Variants in XAF1 observed in about 807,000 individuals in gnomAD.
The protein encoded by XAF1 is XIAP associated factor 1.
In XAF1, 32 loss-of-function variants were observed where a neutral mutation model predicts 32.3. That is an observed-to-expected ratio of 0.99 (90% confidence interval 0.75 to 1.33). The LOEUF is 1.33. XAF1 is among the 40% of genes most tolerant of loss of function. XAF1 has a pLI of 0.00. For missense variants in XAF1, 379 were observed against 366.0 expected, an observed-to-expected ratio of 1.04 and a Z score of -0.29; for synonymous variants, 120 against 125.9, an observed-to-expected ratio of 0.95 and a Z score of 0.31.
rs371983290 is a variant in XAF1, at chr17:6,768,093, CAT to C, written c.508-2549_508-2548del. Among the ~76,000 whole-genome samples the C allele has an allele frequency of 4.7e-3, 710 of 151,754 alleles. 8 individuals carry two copies. The highest frequency in any genetic ancestry group is 0.016 in the African/African-American group (662 of 41,408). On this transcript the variant is annotated intron_variant, in intron 5 of 6. Coordinates refer to ENST00000361842, the MANE Select transcript of XAF1 (RefSeq NM_017523.5). The stretch of plus-strand genomic sequence containing the variant: ...ACTCATGCCTGTTTAGATATACTCA[CAT>C]GTTTTTGTTTTTGCTTTTTTTCTTT...
chr17:6,757,998 T>G, intron 1 of XAF1, 91 bp from the exon 2 acceptor site: 1 of 1,565,298 alleles, frequency 6.4e-7, no homozygotes, highest in Non-Finnish European at 8.7e-7. Flanking sequence ...TTAAGGCCTC[T>G]GGAGATCTAG....
chr17:6,767,131 T>C (rs756196874), intron 5 of XAF1, among the ~76,000 whole-genome samples: 3 of 152,182 alleles, frequency 2.0e-5, no homozygotes, highest in Non-Finnish European at 2.9e-5. Flanking sequence ...CACTACACAC[T>C]GTATACATGT....
rs1360979991 is a variant in XAF1 at position 6,761,649 on chromosome 17, A to C, written c.422-506A>C. 4.2e-5 allele frequency: 15 copies of C among 359,806 alleles called. No homozygotes were observed. In the Admixed American group the frequency reaches 5.4e-4, roughly 13 times the overall value. 22.3% of individuals were successfully genotyped at this position (359,806 alleles called of 1,614,324 possible). A position where few individuals can be genotyped will look rare whatever the true frequency, so the allele number is the denominator to read the frequency against. ...TGGAAACCTGGAAATTGTGAGAGTC[A>C]TGTATATTTCCTTCATCCCAGCATG... On this transcript the variant is annotated intron_variant, in intron 4 of 6. Coordinates refer to ENST00000361842, the MANE Select transcript of XAF1 (RefSeq NM_017523.5).
At position 6,775,222 on chromosome 17, in the gene XAF1, C is replaced by T. The variant is rs1976343293; in HGVS notation, c.*2053C>T. On this transcript the variant is annotated 3_prime_UTR_variant, in exon 7 of 7. Transcript: ENST00000361842. ...TTCTCACTTATAAGTAGAAGCTAAA[C>T]ATTGAGTACACATGGATACAAAGAA... 1 of 152,052 alleles carries T rather than the reference C, an allele frequency of 6.6e-6. No individual in the cohort carries two copies. Among genetic ancestry groups the T allele is most frequent in the South Asian group, 2.1e-4 (1 of 4,824 alleles). 9.4% of individuals were successfully genotyped at this position (152,052 alleles called of 1,614,324 possible).
At chr17:6,766,831 T>C (rs1381309652) in intron 5 of XAF1, among the ~76,000 whole-genome samples, 4 of 152,200 alleles carry the variant, frequency 2.6e-5, no homozygotes, top group Admixed American at 2.6e-4. Flanking sequence ...GTCCATTTCA[T>C]TTTGGGAGCA....
rs57323394 is a variant in XAF1, at chr17:6,775,040, T to TAA, written c.*1884_*1885dup. On this transcript the variant is annotated 3_prime_UTR_variant, in exon 7 of 7. Transcript: ENST00000361842. The stretch of plus-strand genomic sequence containing the variant: ...TGGGCAACCAAGCGAGACTCTGCCT[T>TAA]AAAAAAAAAAAAAAGAAAATGTGGC... 2 of 137,244 alleles carry TAA rather than the reference T, an allele frequency of 1.5e-5. No individual in the cohort carries two copies. Among genetic ancestry groups the TAA allele is most frequent in the Non-Finnish European group, 1.6e-5 (1 of 62,568 alleles). The allele number at this position is 137,244 out of a possible 1,614,324, so 8.5% of individuals were successfully genotyped here.
rs1976185898 is a variant in XAF1, at chr17:6,773,155, A to G, written c.892A>G (p.Arg298Gly). 6.2e-7 allele frequency: 1 copy of G among 1,604,130 alleles called. No homozygotes were observed. The highest frequency in any genetic ancestry group is 1.3e-5 in the African/African-American group (1 of 74,168). ...AGCTTCATCAAAAGGAAAACAAGTGAGAAATTTCAGCTAGATTTGGAAAAG... is the reference window on the plus strand; with the variant it reads ...AGCTTCATCAAAAGGAAAACAAGTGGGAAATTTCAGCTAGATTTGGAAAAG... Reference protein sequence around the residue: ...WLASSKGKQVRNFS With the variant: ...WLASSKGKQVGNFS Residue 298 changes from arginine (R) to glycine (G), a missense_variant, in exon 7 of 7, where the codon AGA becomes GGA. Transcript: ENST00000361842.
Position 6,765,241 on chromosome 17 carries a change from G to T in XAF1, c.507+3001G>T, listed in dbSNP as rs114018578. Reference sequence around the variant, plus strand: ...AACCTGGCTAACACAGTGAACTCTCGTCTCTACTAAAAATACAAAAACTTA... The same window carrying T: ...AACCTGGCTAACACAGTGAACTCTCTTCTCTACTAAAAATACAAAAACTTA... On this transcript the variant is annotated intron_variant, in intron 5 of 6. Coordinates refer to ENST00000361842, the MANE Select transcript of XAF1 (RefSeq NM_017523.5). Among the ~76,000 whole-genome samples, 934 of 152,044 alleles carry T rather than the reference G, an allele frequency of 6.1e-3. 11 individuals carry two copies. Among genetic ancestry groups the T allele is most frequent in the African/African-American group, 0.021 (877 of 41,468 alleles).
chr17:6,768,136 T>C (rs1306425722), intron 5 of XAF1, among the ~76,000 whole-genome samples: 2 of 152,080 alleles, frequency 1.3e-5, no homozygotes, highest in Non-Finnish European at 2.9e-5. Flanking sequence ...TTTCTTTTTT[T>C]TTTTGAGACA....
chr17:6,762,610 C>A (rs979637399), intron 5 of XAF1, among the ~76,000 whole-genome samples: 4 of 152,188 alleles, frequency 2.6e-5, no homozygotes, highest in African/African-American at 7.2e-5. Flanking sequence ...GAGCTTCCTG[C>A]AAAACTGCAT....
At chr17:6,767,026 C>G (rs1025169326) in intron 5 of XAF1, among the ~76,000 whole-genome samples, 12 of 152,108 alleles carry the variant, frequency 7.9e-5, no homozygotes, top group African/African-American at 2.7e-4. Flanking sequence ...ATTTTTTAGG[C>G]CTTATATGTC....
intron 5 of XAF1, among the ~76,000 whole-genome samples, chr17:6,767,463 C>A (rs761567703): frequency 1.3e-5 from 2 of 152,166 alleles, no homozygotes; most frequent in Non-Finnish European, 2.9e-5. Flanking sequence ...AGTGGGTATG[C>A]AGTGGAATAA....
chr17:6,758,084 T>G lies in XAF1; in HGVS notation c.33-5T>G. Reference sequence around the variant, plus strand: ...TTTTTCTATCCCCACACCTTGACCCTGTAGTAAAAGACATGTAGTCTCTGC... The same window carrying G: ...TTTTTCTATCCCCACACCTTGACCCGGTAGTAAAAGACATGTAGTCTCTGC... On this transcript the variant is annotated splice_polypyrimidine_tract_variant and splice_region_variant and intron_variant, in intron 1 of 6. Transcript: ENST00000361842. 1 of 1,614,218 alleles carries G rather than the reference T, an allele frequency of 6.2e-7. No homozygotes were observed. The highest frequency in any genetic ancestry group is 8.5e-7 in the Non-Finnish European group (1 of 1,180,030).
chr17:6,767,214 T>C (rs1975686492), intron 5 of XAF1, among the ~76,000 whole-genome samples: 1 of 152,160 alleles, frequency 6.6e-6, no homozygotes, highest in Non-Finnish European at 1.5e-5. Context: ...AGAAATAAAA[T>C]TGATTACAAA....
chr17:6,771,800 C>T lies in XAF1; in HGVS notation c.849+816C>T, dbSNP rs1597758054. ...TTGTTGGAGCTAGTTGATATAATAT[C>T]ATATAAAGAAGTATAAAAGCAAAGC... On this transcript the variant is annotated intron_variant, in intron 6 of 6. Coordinates refer to ENST00000361842, the MANE Select transcript of XAF1 (RefSeq NM_017523.5). 2.0e-5 allele frequency: 3 copies of T among 152,140 alleles called. No individual in the cohort carries two copies. In the East Asian group the frequency reaches 5.8e-4, roughly 29 times the overall value. The allele number at this position is 152,140 out of a possible 1,614,324, so 9.4% of individuals were successfully genotyped here.
Position 6,759,530 on chromosome 17 carries a change from C to T in XAF1, c.169-132C>T, listed in dbSNP as rs558681690. 33 of 1,517,464 alleles carry T rather than the reference C, an allele frequency of 2.2e-5. No homozygotes were observed. The East Asian group carries it at 2.4e-4, about 11-fold the overall frequency. 94.0% of individuals were successfully genotyped at this position (1,517,464 alleles called of 1,614,324 possible). The stretch of plus-strand genomic sequence containing the variant: ...TAGAGAGACACTGAGGTAGCCACAT[C>T]GGATCCCTGCCCTCTGGGAGTTCAC... On this transcript the variant is annotated intron_variant, in intron 2 of 6. Transcript: ENST00000361842.
chr17:6,756,550 AG>A (rs1240064973), intron 1 of XAF1, among the ~76,000 whole-genome samples: 1 of 144,856 alleles, frequency 6.9e-6, no homozygotes, highest in Non-Finnish European at 1.5e-5. Context: ...GGGGGGACAG[AG>A]CAGGGGGCTG....
Position 6,760,479 on chromosome 17 carries a change from T to G in XAF1, c.299T>G (p.Leu100Arg). The G allele has an allele frequency of 3.7e-6, 6 of 1,612,934 alleles. No homozygotes were observed. The highest frequency in any genetic ancestry group is 5.1e-6 in the Non-Finnish European group (6 of 1,179,576). Residue 100 changes from leucine (L) to arginine (R), a missense_variant, in exon 4 of 7, where the codon CTC (leucine) becomes CGC (arginine). Physicochemically the swap from Leu to Arg is moderately radical, Grantham distance 102 (BLOSUM62 -2). Coordinates refer to ENST00000361842, the MANE Select transcript of XAF1 (RefSeq NM_017523.5). ...KLDMQLSKLE[L>R]HESYCGSRTE... is the part of the protein sequence containing the mutation. ...GACATGCAGCTCAGCAAGCTGGAGC[T>G]CCACGAGTCCTACTGTGGCAGCCGG...
Position 6,759,330 on chromosome 17 carries a change from A to G in XAF1, c.169-332A>G, listed in dbSNP as rs1021959453. The G allele has an allele frequency of 3.9e-6, 5 of 1,295,522 alleles. No individual in the cohort carries two copies. In the Admixed American group the frequency reaches 1.4e-4, roughly 37 times the overall value. The allele number at this position is 1,295,522 out of a possible 1,614,324, so 80.3% of individuals were successfully genotyped here. The stretch of plus-strand genomic sequence containing the variant: ...CTGTTCTCTTGAGATCTGTAAAGAG[A>G]GGATGTGAAAAAGGAAGGTCCTGGA... On this transcript the variant is annotated intron_variant, in intron 2 of 6. Coordinates refer to ENST00000361842, the MANE Select transcript of XAF1 (RefSeq NM_017523.5).
Sources: allele counts gnomAD v4.1 joint callset (sites outside exome capture counted in the v4.1 genomes callset), GRCh38; gene constraint gnomAD v4.1.1; transcripts MANE v1.5; gene names NCBI Gene and HGNC (gene_info 2026-07-23, HGNC 2026-07-21).